DPP10: variants seen among roughly 807,000 people sequenced by gnomAD.
The protein encoded by DPP10 is inactive dipeptidyl peptidase 10.
DPP10 carries 33 observed loss-of-function variants against 120.9 expected under a neutral mutation model. The ratio of observed to expected loss-of-function variants is 0.27; its 90% confidence interval spans 0.21 to 0.37. DPP10 has a LOEUF of 0.37. DPP10 is among the 10% of genes least tolerant of loss of function. The pLI, the probability that DPP10 is intolerant of heterozygous loss-of-function variation, is 1.00. For synonymous variants in DPP10, 337 were observed against 326.1 expected (o/e 1.03, Z -0.36); for missense variants, 816 against 942.8 (o/e 0.87, Z 1.76).
intron 1 of DPP10, among the ~76,000 whole-genome samples, chr2:114,815,683 C>T (rs1026126869): frequency 6.6e-6 from 1 of 152,152 alleles, no homozygotes; most frequent in Non-Finnish European, 1.5e-5. Flanking sequence ...AGGGAATACA[C>T]TGTCTTTCTA....
intron 3 of DPP10, among the ~76,000 whole-genome samples, chr2:115,396,813 C>G (rs1181655038): frequency 2.0e-5 from 3 of 152,102 alleles, no homozygotes; most frequent in Non-Finnish European, 2.9e-5. Context: ...ACAATCCACT[C>G]TAGCCATTGC....
chr2:114,590,202 C>T (rs1254089108), intron 1 of DPP10, among the ~76,000 whole-genome samples: 2 of 152,084 alleles, frequency 1.3e-5, no homozygotes, highest in Non-Finnish European at 2.9e-5. Context: ...ATGAATTGCT[C>T]CTCAAAGTAT....
At chr2:114,575,807 C>T (rs540376037) in intron 1 of DPP10, among the ~76,000 whole-genome samples, 1 of 152,260 alleles carries the variant, frequency 6.6e-6, no homozygotes, top group Admixed American at 6.5e-5. Flanking sequence ...AGAAATCACC[C>T]TCATTGGGTT....
At chr2:114,811,837 C>A (rs946747538) in intron 1 of DPP10, among the ~76,000 whole-genome samples, 1 of 152,172 alleles carries the variant, frequency 6.6e-6, no homozygotes, top group South Asian at 2.1e-4. Flanking sequence ...AGAAAAGATA[C>A]AATTTCTTTT....
chr2:114,925,066 C>T (rs1332138358), intron 1 of DPP10, among the ~76,000 whole-genome samples: 2 of 151,988 alleles, frequency 1.3e-5, no homozygotes, highest in Non-Finnish European at 2.9e-5. Context: ...AAAAAATTAT[C>T]TGGGCATAGT....
chr2:115,035,359 A>G (rs1415949409), intron 1 of DPP10, among the ~76,000 whole-genome samples: 1 of 152,218 alleles, frequency 6.6e-6, no homozygotes, highest in Non-Finnish European at 1.5e-5. Flanking sequence ...TTTTTATAAC[A>G]CAAAATCTTA....
intron 1 of DPP10, among the ~76,000 whole-genome samples, chr2:114,883,778 TCAC>T (rs1691837107): frequency 6.6e-6 from 1 of 152,212 alleles, no homozygotes. Flanking sequence ...TGAGATGGCC[TCAC>T]TCACAGGTCT....
At chr2:114,591,863 A>G (rs971356527) in intron 1 of DPP10, among the ~76,000 whole-genome samples, 1 of 152,054 alleles carries the variant, frequency 6.6e-6, no homozygotes, top group African/African-American at 2.4e-5. Context: ...TTCCTATTCT[A>G]TGTTGACTTT....
chr2:115,760,207 C>T (rs550320789), intron 11 of DPP10, among the ~76,000 whole-genome samples: 2 of 151,992 alleles, frequency 1.3e-5, no homozygotes, highest in East Asian at 1.9e-4. Flanking sequence ...TAAAGTAAGA[C>T]TTATCTACAC....
At chr2:115,422,610 C>A (rs1418071830) in intron 3 of DPP10, among the ~76,000 whole-genome samples, 1 of 152,108 alleles carries the variant, frequency 6.6e-6, no homozygotes, top group Non-Finnish European at 1.5e-5. Context: ...TGATATATTT[C>A]ATTGAATAAT....
intron 1 of DPP10, among the ~76,000 whole-genome samples, chr2:114,592,945 G>A (rs1269531154): frequency 6.6e-6 from 1 of 151,914 alleles, no homozygotes; most frequent in Non-Finnish European, 1.5e-5. Flanking sequence ...ATGTGTTGTT[G>A]GTCTTTTTGT....
At chr2:114,942,955 T>C (rs893101137) in intron 1 of DPP10, among the ~76,000 whole-genome samples, 2 of 152,088 alleles carry the variant, frequency 1.3e-5, no homozygotes, top group African/African-American at 4.8e-5. Context: ...AACATGCAGG[T>C]TTCTTACATA....
chr2:115,753,391 T>C (rs563995907), intron 11 of DPP10, 94 bp downstream of exon 11: 1 of 1,245,760 alleles, frequency 8.0e-7, no homozygotes, highest in African/African-American at 1.5e-5. Flanking sequence ...CAAAAAAAAT[T>C]CAGTGTTTAA....
At chr2:115,072,624 A>G (rs1472366823) in intron 1 of DPP10, among the ~76,000 whole-genome samples, 1 of 152,182 alleles carries the variant, frequency 6.6e-6, no homozygotes, top group Non-Finnish European at 1.5e-5. Flanking sequence ...CCTACATACA[A>G]CCTCAGAGAA....
At chr2:115,179,918 G>A (rs2053962121) in intron 1 of DPP10, among the ~76,000 whole-genome samples, 1 of 152,032 alleles carries the variant, frequency 6.6e-6, no homozygotes, top group South Asian at 2.1e-4. Context: ...CTTAACAATA[G>A]GAAAAACAAG....
intron 1 of DPP10, among the ~76,000 whole-genome samples, chr2:114,649,785 T>A (rs1384901400): frequency 5.9e-5 from 9 of 151,800 alleles, no homozygotes; most frequent in Admixed American, 5.9e-4. Context: ...ACTTTTCCAA[T>A]GTTATTTATA....
intron 1 of DPP10, among the ~76,000 whole-genome samples, chr2:114,592,665 G>GA (rs957247461): frequency 1.3e-3 from 188 of 148,492 alleles, no homozygotes; most frequent in Admixed American, 3.6e-3. Context: ...TCTTCCCCCT[G>GA]AAAAAAAAAC....
In DPP10 at chr2:114,467,730, C is replaced by T. The variant is rs139690549; in HGVS notation, c.60+24892C>T. 1.7e-4 allele frequency among the ~76,000 whole-genome samples: 26 copies of T among 152,206 alleles called. 1 individual carries two copies. The East Asian group carries it at 3.3e-3, about 19-fold the overall frequency. On this transcript the variant is annotated intron_variant, in intron 1 of 25. Coordinates refer to ENST00000410059, the MANE Select transcript of DPP10 (RefSeq NM_020868.6). ...AATACTAGCTCCTGGCCAGGCACGG[C>T]GGCTCACGCTTGTAATCCCAGCACT...
intron 5 of DPP10, among the ~76,000 whole-genome samples, chr2:115,574,546 A>G (rs1339478624): frequency 6.6e-6 from 1 of 152,110 alleles, no homozygotes. Flanking sequence ...TCTTTTTGCA[A>G]CAAGGCTTTC....
Sources: allele counts gnomAD v4.1 joint callset (sites outside exome capture counted in the v4.1 genomes callset), GRCh38; gene constraint gnomAD v4.1.1; transcripts MANE v1.5; gene names NCBI Gene and HGNC (gene_info 2026-07-23, HGNC 2026-07-21).